The following FBXW11 variants were observed in gnomAD, a reference collection of about 807,000 sequenced individuals.
The protein encoded by FBXW11 is F-box/WD repeat-containing protein 11.
In FBXW11, 19 loss-of-function variants were observed where a neutral mutation model predicts 77.6. The ratio of observed to expected loss-of-function variants is 0.24; its 90% confidence interval spans 0.17 to 0.36. FBXW11 has a LOEUF of 0.36. Ranked by LOEUF, FBXW11 falls within the 10% of genes least tolerant of loss-of-function variation. The pLI, the probability that FBXW11 is intolerant of heterozygous loss-of-function variation, is 1.00. For synonymous variants in FBXW11, 235 were observed against 249.4 expected (o/e 0.94, Z 0.54); for missense variants, 334 against 704.2 (o/e 0.47, Z 5.95).
intron 1 of FBXW11, among the ~76,000 whole-genome samples, chr5:171,963,102 G>C (rs1010568029): frequency 1.3e-5 from 2 of 151,976 alleles, no homozygotes; most frequent in African/African-American, 4.8e-5. Flanking sequence ...ATATCTATCT[G>C]CACATAGTAA....
chr5:171,940,164 A>C (rs1762676361), intron 2 of FBXW11, among the ~76,000 whole-genome samples: 1 of 152,184 alleles, frequency 6.6e-6, no homozygotes, highest in Admixed American at 6.5e-5. Context: ...GGGGTTGAGC[A>C]AGTGAGTAAA....
At chr5:171,970,752 G>T (rs111557884) in intron 1 of FBXW11, among the ~76,000 whole-genome samples, 3,272 of 152,280 alleles carry the variant, frequency 0.021, 119 homozygotes, top group African/African-American at 0.074. Context: ...AGATAATAAA[G>T]TGGCACATTT....
intron 4 of FBXW11, among the ~76,000 whole-genome samples, chr5:171,910,061 C>CTTTT (rs3087180): frequency 1.1e-5 from 1 of 92,530 alleles, no homozygotes; most frequent in African/African-American, 3.9e-5. Context: ...ATAATGAACA[C>CTTTT]TTTTTTTTTT....
intron 7 of FBXW11, among the ~76,000 whole-genome samples, chr5:171,878,617 T>A (rs1172159441): frequency 3.7e-4 from 56 of 149,536 alleles, no homozygotes; most frequent in African/African-American, 1.3e-3. Context: ...TGTGTGTGTG[T>A]GTGTGTGTGT....
intron 4 of FBXW11, among the ~76,000 whole-genome samples, chr5:171,906,349 AAACACCAACCT>A: frequency 6.6e-6 from 1 of 152,308 alleles, no homozygotes; most frequent in South Asian, 2.1e-4. Context: ...TTCACTTGGA[AAACACCAACCT>A]AAGGTTTCAG....
intron 2 of FBXW11, among the ~76,000 whole-genome samples, chr5:171,936,371 G>C (rs545954614): frequency 2.6e-5 from 4 of 151,216 alleles, no homozygotes; most frequent in African/African-American, 9.7e-5. Flanking sequence ...CGCACCTGTA[G>C]TCCCAGTGAC....
At chr5:171,905,802 G>A (rs1163623117) in intron 4 of FBXW11, among the ~76,000 whole-genome samples, 1 of 152,100 alleles carries the variant, frequency 6.6e-6, no homozygotes, top group Non-Finnish European at 1.5e-5. Flanking sequence ...GCTTTGAGGT[G>A]TTAAAACTAA....
chr5:171,942,664 G>A (rs1048449434), intron 2 of FBXW11, among the ~76,000 whole-genome samples: 12 of 152,122 alleles, frequency 7.9e-5, no homozygotes, highest in Middle Eastern at 3.4e-3. Context: ...CTAGCCAGGC[G>A]TGGTAGCACA....
chr5:171,872,108 T>C (rs1226437689), intron 10 of FBXW11, among the ~76,000 whole-genome samples: 1 of 152,202 alleles, frequency 6.6e-6, no homozygotes. Context: ...GTTTTAATAA[T>C]CTTAAACCCA....
intron 3 of FBXW11, among the ~76,000 whole-genome samples, chr5:171,912,345 C>A (rs140867377): frequency 5.5e-4 from 83 of 152,196 alleles, no homozygotes; most frequent in African/African-American, 1.9e-3. Context: ...AAGCATTGAA[C>A]AAGGATTTTG....
intron 2 of FBXW11, among the ~76,000 whole-genome samples, chr5:171,954,968 A>G (rs1042114116): frequency 2.0e-5 from 3 of 152,208 alleles, no homozygotes; most frequent in African/African-American, 7.2e-5. Context: ...CTTTACAGTT[A>G]TGTAAACATT....
chr5:171,886,707 GTA>G (rs1758917990), intron 7 of FBXW11, among the ~76,000 whole-genome samples: 1 of 152,112 alleles, frequency 6.6e-6, no homozygotes, highest in South Asian at 2.1e-4. Context: ...GGGCTATCAA[GTA>G]TATATAAAAA....
At chr5:171,970,326 T>A (rs542694011) in intron 1 of FBXW11, among the ~76,000 whole-genome samples, 25 of 152,286 alleles carry the variant, frequency 1.6e-4, no homozygotes, top group Middle Eastern at 6.8e-3. Context: ...TGACAGTTCC[T>A]CCTCTCTCAC....
chr5:171,949,966 A>G (rs1176197539), intron 2 of FBXW11, among the ~76,000 whole-genome samples: 1 of 152,222 alleles, frequency 6.6e-6, no homozygotes, highest in Admixed American at 6.5e-5. Context: ...AAATAATCAC[A>G]GAAGTATACA....
intron 1 of FBXW11, among the ~76,000 whole-genome samples, chr5:171,967,463 C>T (rs370530049): frequency 2.0e-5 from 3 of 152,198 alleles, no homozygotes; most frequent in South Asian, 2.1e-4. Flanking sequence ...TTACAATACA[C>T]GGAAAGAATT....
At chr5:171,875,793 T>A (rs1758039666) in intron 9 of FBXW11, among the ~76,000 whole-genome samples, 1 of 152,154 alleles carries the variant, frequency 6.6e-6, no homozygotes, top group South Asian at 2.1e-4. Flanking sequence ...GTCTTCTTCA[T>A]CATCATATCC....
intron 10 of FBXW11, among the ~76,000 whole-genome samples, chr5:171,872,572 G>A (rs185374640): frequency 6.8e-4 from 103 of 152,242 alleles, no homozygotes; most frequent in African/African-American, 2.3e-3. Context: ...AAATTGGAGC[G>A]AGCTGGGCTG....
At chr5:171,932,560 G>A (rs10463013) in intron 2 of FBXW11, among the ~76,000 whole-genome samples, 54 of 152,090 alleles carry the variant, frequency 3.6e-4, no homozygotes, top group Non-Finnish European at 6.5e-4. Flanking sequence ...GGTATTTAGG[G>A]TTCCCATCAC....
intron 7 of FBXW11, among the ~76,000 whole-genome samples, chr5:171,880,232 T>C (rs1255922358): frequency 6.6e-6 from 1 of 152,234 alleles, no homozygotes; most frequent in Non-Finnish European, 1.5e-5. Context: ...TGCTCCTTTG[T>C]AAAAGATCAG....
Sources: gnomAD v4.1 joint callset for allele counts (sites outside exome capture counted in the v4.1 genomes callset) on GRCh38, gnomAD v4.1.1 for gene constraint, MANE v1.5 for transcripts, NCBI Gene and HGNC (gene_info 2026-07-23, HGNC 2026-07-21) for gene names.